COL8A1: variants seen among roughly 807,000 people sequenced by gnomAD.
COL8A1 encodes the protein collagen alpha-1(VIII) chain.
In COL8A1, 21 loss-of-function variants were observed where a neutral mutation model predicts 42.7. The observed-to-expected ratio is 0.49, with a 90% confidence interval of 0.35 to 0.71. The LOEUF (loss-of-function observed/expected upper bound fraction) is 0.71, where lower values mean the gene tolerates loss of function less well. Ranked by LOEUF, COL8A1 falls within the 30% of genes least tolerant of loss-of-function variation. The probability of loss-of-function intolerance (pLI) is 0.01; values close to 1 mark genes in which losing one functional copy is unlikely to be tolerated. For missense variants in COL8A1, 788 were observed against 962.4 expected, an observed-to-expected ratio of 0.82 and a Z score of 2.40; for synonymous variants, 367 against 369.1, an observed-to-expected ratio of 0.99 and a Z score of 0.06.
chr3:99,713,185 A>G (rs1939896281), intron 1 of COL8A1, among the ~76,000 whole-genome samples: 1 of 152,102 alleles, frequency 6.6e-6, no homozygotes, highest in Non-Finnish European at 1.5e-5. Context: ...ACAGATAAGG[A>G]GGCTGAGGAA....
At chr3:99,652,069 A>G (rs1937864654) in intron 1 of COL8A1, among the ~76,000 whole-genome samples, 1 of 152,226 alleles carries the variant, frequency 6.6e-6, no homozygotes, top group Non-Finnish European at 1.5e-5. Flanking sequence ...AATTTTTTAT[A>G]TCTAGCCATA....
chr3:99,794,626 A>G lies in COL8A1; in HGVS notation c.725A>G (p.Asp242Gly), dbSNP rs2107459811. 1 of 1,613,402 alleles carries G rather than the reference A, an allele frequency of 6.2e-7. No individual in the cohort carries two copies. Residue 242 changes from aspartate to glycine, a missense_variant, in exon 4 of 4, where the codon GAC becomes GGC. Physicochemically the swap from Asp to Gly is moderately conservative, Grantham distance 94 (BLOSUM62 -1). Around this residue, in one of 4 missense-constraint regions of COL8A1, gnomAD observed 421 missense variants for 553.1 expected, o/e 0.76. Transcript: ENST00000652472. The surrounding 1 kb of genome is among the most constrained non-coding windows in gnomAD (Gnocchi z 4.3). Reference protein sequence around the residue: ...GPQGLRGPKGDKGFGMPGAPG... With the variant: ...GPQGLRGPKGGKGFGMPGAPG... ...CAAGGCCTTCGGGGTCCTAAAGGAG[A>G]CAAGGGCTTCGGGATGCCAGGTGCG...
intron 1 of COL8A1, among the ~76,000 whole-genome samples, chr3:99,666,522 G>T (rs1938372774): frequency 6.6e-6 from 1 of 152,178 alleles, no homozygotes; most frequent in Non-Finnish European, 1.5e-5. Flanking sequence ...CACATTCACA[G>T]TTTCACCAAC....
chr3:99,732,171 T>A (rs1007736430), intron 1 of COL8A1, among the ~76,000 whole-genome samples: 7 of 152,188 alleles, frequency 4.6e-5, no homozygotes, highest in African/African-American at 1.7e-4. Context: ...TAATGCATTC[T>A]TATTTATAAA....
intron 1 of COL8A1, among the ~76,000 whole-genome samples, chr3:99,672,955 C>T (rs569485677): frequency 6.6e-6 from 1 of 152,064 alleles, no homozygotes; most frequent in South Asian, 2.1e-4. Context: ...ATGAGTAGCT[C>T]AGATTTAGAC....
intron 1 of COL8A1, among the ~76,000 whole-genome samples, chr3:99,697,087 C>G (rs1015536960): frequency 6.8e-6 from 1 of 146,868 alleles, no homozygotes; most frequent in Middle Eastern, 3.5e-3. Context: ...CCCGGGTTCA[C>G]GCCATTCTCC....
At chr3:99,663,949 A>G (rs1160078346) in intron 1 of COL8A1, among the ~76,000 whole-genome samples, 3 of 152,188 alleles carry the variant, frequency 2.0e-5, no homozygotes, top group Non-Finnish European at 4.4e-5. Flanking sequence ...TTTCCTGCAC[A>G]CAATGGACAC....
At chr3:99,724,771 G>T (rs1271760485) in intron 1 of COL8A1, among the ~76,000 whole-genome samples, 1 of 151,938 alleles carries the variant, frequency 6.6e-6, no homozygotes, top group Non-Finnish European at 1.5e-5. Context: ...ATGAAAACCT[G>T]TTTCTCACAG....
chr3:99,670,805 T>C (rs542596246), intron 1 of COL8A1, among the ~76,000 whole-genome samples: 1 of 152,184 alleles, frequency 6.6e-6, no homozygotes, highest in African/African-American at 2.4e-5. Context: ...TTCTATTCTC[T>C]ACTTGCATGA....
chr3:99,793,708 A>G (rs920955537), intron 3 of COL8A1, among the ~76,000 whole-genome samples: 2 of 152,142 alleles, frequency 1.3e-5, no homozygotes, highest in African/African-American at 4.8e-5. Context: ...AATACCTCAA[A>G]TACATAAAAA....
At chr3:99,737,855 A>C (rs1164833505) in intron 1 of COL8A1, among the ~76,000 whole-genome samples, 1 of 151,776 alleles carries the variant, frequency 6.6e-6, no homozygotes, top group Non-Finnish European at 1.5e-5. Flanking sequence ...CATCACTTTC[A>C]GGTACACCAA....
chr3:99,693,032 G>A (rs1015817354), intron 1 of COL8A1, among the ~76,000 whole-genome samples: 6 of 152,076 alleles, frequency 3.9e-5, no homozygotes, highest in Non-Finnish European at 8.8e-5. Flanking sequence ...GGTGGCGTGT[G>A]TTTGTAATCC....
chr3:99,649,022 C>T (rs1254718899), intron 1 of COL8A1, among the ~76,000 whole-genome samples: 2 of 152,108 alleles, frequency 1.3e-5, no homozygotes, highest in Non-Finnish European at 2.9e-5. Flanking sequence ...TGCTCACATT[C>T]TGTTATGCTT....
chr3:99,669,123 TTATATATATATA>T (rs775831851), intron 1 of COL8A1, among the ~76,000 whole-genome samples: 1 of 96,580 alleles, frequency 1.0e-5, no homozygotes, highest in Admixed American at 1.2e-4. Context: ...CTTAAAAAAA[TTATATATATATA>T]TATATATATA....
intron 3 of COL8A1, among the ~76,000 whole-genome samples, chr3:99,791,605 GTATT>G (rs1364736736): frequency 1.3e-5 from 2 of 152,178 alleles, no homozygotes; most frequent in African/African-American, 2.4e-5. Flanking sequence ...CTTTCTTGGC[GTATT>G]TATTTAGCAC....
chr3:99,771,810 T>C (rs1336753038), intron 2 of COL8A1, among the ~76,000 whole-genome samples: 1 of 152,188 alleles, frequency 6.6e-6, no homozygotes, highest in South Asian at 2.1e-4. Flanking sequence ...GGATGAGGTG[T>C]CCATATGGTG....
chr3:99,779,108 G>A (rs1576473759), intron 2 of COL8A1, among the ~76,000 whole-genome samples: 1 of 152,082 alleles, frequency 6.6e-6, no homozygotes, highest in South Asian at 2.1e-4. Context: ...GCTAAATATT[G>A]TTTGAGATTT....
chr3:99,697,196 C>T (rs948054238), intron 1 of COL8A1, among the ~76,000 whole-genome samples: 9 of 151,552 alleles, frequency 5.9e-5, no homozygotes, highest in Admixed American at 3.3e-4. Flanking sequence ...CCGTTTTAGC[C>T]GGGATGGTCT....
At position 99,796,086 on chromosome 3, in the gene COL8A1, G is replaced by C; in HGVS notation, c.2185G>C (p.Gly729Arg). 6.3e-7 allele frequency: 1 copy of C among 1,579,892 alleles called. No individual in the cohort carries two copies. The highest frequency in any genetic ancestry group is 8.6e-7 in the Non-Finnish European group (1 of 1,159,186). ...AGAACAGGCTGCAGGACTGTATGCC[G>C]GGCAGTATGTCCACTCCTCCTTTTC... ...PSEQAAGLYA[G>R]QYVHSSFSGY... The change falls in exon 4 of 4, where the codon GGG becomes CGG. Residue 729 changes from glycine to arginine, a missense_variant. Physicochemically the swap from Gly to Arg is moderately radical, Grantham distance 125 (BLOSUM62 -2). This residue lies in a region of COL8A1 where 212 missense variants were observed against 210.9 expected (regional missense o/e 1.00). Coordinates refer to ENST00000652472, the MANE Select transcript of COL8A1 (RefSeq NM_020351.4).
Sources: allele counts gnomAD v4.1 joint callset (sites outside exome capture counted in the v4.1 genomes callset), GRCh38; gene constraint gnomAD v4.1.1; regional missense constraint gnomAD v4.1.1; non-coding constraint Gnocchi (gnomAD v3.1); transcripts MANE v1.5; gene names NCBI Gene and HGNC (gene_info 2026-07-23, HGNC 2026-07-21).